The following DNAH5 variants were observed in gnomAD, a reference collection of about 807,000 sequenced individuals.
The protein encoded by DNAH5 is axonemal beta dynein heavy chain 5.
DNAH5 carries 372 observed loss-of-function variants against 518.2 expected under a neutral mutation model. That is an observed-to-expected ratio of 0.72 (90% CI 0.66 to 0.78). The LOEUF (loss-of-function observed/expected upper bound fraction) is 0.78, where lower values mean the gene tolerates loss of function less well. DNAH5 is among the 30% of genes least tolerant of loss of function. The pLI is 0.00. For synonymous variants in DNAH5, 2,039 were observed against 2,025.9 expected (o/e 1.01, Z -0.17); for missense variants, 5,523 against 5,687.0 (o/e 0.97, Z 0.93).
intron 75 of DNAH5, 135 bp from the exon 76 acceptor site, chr5:13,708,470 CAAAAAGAAAAAA>C (rs1041938794): frequency 4.6e-5 from 30 of 651,888 alleles, no homozygotes; most frequent in Middle Eastern, 4.5e-4. Flanking sequence ...TATTGCATGG[CAAAAAGAAAAAA>C]AAAAAGAAAA....
chr5:13,782,700 A>G (rs1205178081), intron 52 of DNAH5, among the ~76,000 whole-genome samples: 4 of 152,238 alleles, frequency 2.6e-5, no homozygotes, highest in Non-Finnish European at 1.5e-5. Flanking sequence ...TCCTCATCCC[A>G]AAACCTTTAC....
chr5:13,713,434 C>T (rs1346018408), intron 75 of DNAH5, among the ~76,000 whole-genome samples: 2 of 70,658 alleles, frequency 2.8e-5, no homozygotes, highest in Non-Finnish European at 5.2e-5. Flanking sequence ...TATACATCGA[C>T]ATATATATAT....
Position 13,784,807 on chromosome 5 carries a change from T to C in DNAH5, c.8820+1372A>G, listed in dbSNP as rs189004845. On this transcript the variant is annotated intron_variant, in intron 52 of 78. Transcript: ENST00000265104. ...CAATGGATTTTTACATGGCATTTTCTTGCACTGTAGATAAATTAAGTCACA... is the reference window on the plus strand; with the variant it reads ...CAATGGATTTTTACATGGCATTTTCCTGCACTGTAGATAAATTAAGTCACA... Among the ~76,000 whole-genome samples, 133 of 152,294 alleles carry C rather than the reference T, an allele frequency of 8.7e-4. No homozygotes were observed. In the Middle Eastern group the frequency reaches 0.01, roughly 12 times the overall value.
chr5:13,985,912 C>T (rs1034698624), intron 1 of DNAH5, among the ~76,000 whole-genome samples: 1 of 152,204 alleles, frequency 6.6e-6, no homozygotes, highest in Non-Finnish European at 1.5e-5. Context: ...TTCAGTGAAG[C>T]GTCTGCTCCA....
chr5:13,706,126 C>T (rs1368132964), intron 76 of DNAH5, among the ~76,000 whole-genome samples: 1 of 152,236 alleles, frequency 6.6e-6, no homozygotes, highest in Non-Finnish European at 1.5e-5. Flanking sequence ...CCTCAAGTGT[C>T]TACCTTCCCA....
chr5:13,989,182 G>A (rs1783311261), intron 1 of DNAH5, among the ~76,000 whole-genome samples: 1 of 152,156 alleles, frequency 6.6e-6, no homozygotes, highest in South Asian at 2.1e-4. Flanking sequence ...TAGGGATATT[G>A]TGATAACAAC....
intron 70 of DNAH5, among the ~76,000 whole-genome samples, chr5:13,722,864 C>G (rs2126539789): frequency 6.6e-6 from 1 of 152,336 alleles, no homozygotes; most frequent in Non-Finnish European, 1.5e-5. Flanking sequence ...CACAGGATTT[C>G]TGCCTTGGCA....
intron 60 of DNAH5, among the ~76,000 whole-genome samples, chr5:13,760,899 TCTA>T (rs1247038281): frequency 8.5e-5 from 13 of 152,176 alleles, no homozygotes; most frequent in Admixed American, 5.2e-4. Context: ...CACTGCCTCT[TCTA>T]CTCCTCCCTA....
In DNAH5 at chr5:13,913,884, G is replaced by A. The variant is rs34580014; in HGVS notation, c.1395C>T (p.Ser465=). 8,604 of 1,613,478 alleles carry A rather than the reference G, an allele frequency of 5.3e-3. 341 individuals are homozygous for A. In the African/African-American group the frequency reaches 0.094, roughly 18 times the overall value. ...QNPNAKQFDF[S]EMYIFGKFET... ...CGAATTTTCCAAAAATATACATCTC[G>A]CTAAAATCAAATTGTTTTGCATTTG... is the stretch of plus-strand genomic sequence containing the variant. The change falls in exon 11 of 79, where the codon AGC becomes AGT. Residue 465 remains serine, a synonymous_variant. Coordinates refer to ENST00000265104, the MANE Select transcript of DNAH5 (RefSeq NM_001369.3).
chr5:13,777,799 G>A (rs1405687925), intron 53 of DNAH5, among the ~76,000 whole-genome samples: 1 of 152,152 alleles, frequency 6.6e-6, no homozygotes, highest in Non-Finnish European at 1.5e-5. Flanking sequence ...TATAAACAGT[G>A]CCTGCCTCAT....
chr5:13,849,569 G>C (rs1766527240), intron 31 of DNAH5, among the ~76,000 whole-genome samples: 1 of 152,094 alleles, frequency 6.6e-6, no homozygotes, highest in African/African-American at 2.4e-5. Flanking sequence ...CTTTACCTTG[G>C]AACCTAGGAA....
chr5:13,717,584 T>C (rs1744479429), intron 72 of DNAH5, 64 bp from the exon 73 acceptor site: 2 of 1,298,182 alleles, frequency 1.5e-6, no homozygotes, highest in Non-Finnish European at 1.1e-6. Context: ...CTACTACTTT[T>C]ATAAGTAATC....
intron 1 of DNAH5, among the ~76,000 whole-genome samples, chr5:13,980,354 C>T (rs1782586934): frequency 6.6e-6 from 1 of 152,094 alleles, no homozygotes; most frequent in Non-Finnish European, 1.5e-5. Flanking sequence ...CTGAACGTTC[C>T]TCCAACTCCA....
intron 30 of DNAH5, among the ~76,000 whole-genome samples, chr5:13,853,124 A>G (rs1180882321): frequency 6.6e-6 from 1 of 152,228 alleles, no homozygotes; most frequent in Non-Finnish European, 1.5e-5. Context: ...GGAGAGCTTC[A>G]GCTGACATCT....
intron 19 of DNAH5, 86 bp from the exon 20 acceptor site, chr5:13,883,180 T>C: frequency 7.5e-7 from 1 of 1,325,950 alleles, no homozygotes; most frequent in Non-Finnish European, 1.1e-6. Context: ...ATTAAAACAA[T>C]ACATAATAGG....
At chr5:13,702,305 AAG>A (rs1227723813) in intron 76 of DNAH5, among the ~76,000 whole-genome samples, 1 of 152,248 alleles carries the variant, frequency 6.6e-6, no homozygotes, top group Non-Finnish European at 1.5e-5. Context: ...CCTATTTTTC[AAG>A]AGTTATTGAG....
chr5:13,812,009 C>T (rs1228531662), intron 43 of DNAH5, among the ~76,000 whole-genome samples, 186 bp from the exon 44 acceptor site: 1 of 152,124 alleles, frequency 6.6e-6, no homozygotes, highest in Admixed American at 6.6e-5. Flanking sequence ...TCAAAACAAC[C>T]CTACAAGGTA....
intron 1 of DNAH5, among the ~76,000 whole-genome samples, chr5:13,955,674 C>G (rs1780716643): frequency 6.6e-6 from 1 of 151,860 alleles, no homozygotes; most frequent in African/African-American, 2.4e-5. Flanking sequence ...CAATTTTTCT[C>G]CAAACTGTTA....
rs1204485563 is a variant in DNAH5 at position 13,768,947 on chromosome 5, C to G, written c.9897+13G>C. 11 of 1,614,050 alleles carry G rather than the reference C, an allele frequency of 6.8e-6. No individual in the cohort carries two copies. Among genetic ancestry groups the G allele is most frequent in the Non-Finnish European group, 9.3e-6 (11 of 1,179,958 alleles). ...GCCCTAAAGCTGACATCTGTTATAT[C>G]ACATAGATGCACCTGCAATGCAGCT... On this transcript the variant is annotated intron_variant, in intron 58 of 78. Coordinates refer to ENST00000265104, the MANE Select transcript of DNAH5 (RefSeq NM_001369.3).
Sources: gnomAD v4.1 joint callset for allele counts (sites outside exome capture counted in the v4.1 genomes callset) on GRCh38, gnomAD v4.1.1 for gene constraint, MANE v1.5 for transcripts, NCBI Gene and HGNC (gene_info 2026-07-23, HGNC 2026-07-21) for gene names.